NPRL3: variants seen among roughly 807,000 people sequenced by gnomAD.
The protein encoded by NPRL3 is NPR3 like, GATOR1 complex subunit, also known as GATOR1 complex protein NPRL3.
NPRL3 carries 23 observed loss-of-function variants against 57.2 expected under a neutral mutation model. That is an observed-to-expected ratio of 0.40 (90% CI 0.29 to 0.57). The LOEUF (loss-of-function observed/expected upper bound fraction) is 0.57. NPRL3 is among the 20% of genes least tolerant of loss of function. The pLI, the probability that NPRL3 is intolerant of heterozygous loss-of-function variation, is 0.42. For synonymous variants in NPRL3, 333 were observed against 321.1 expected (o/e 1.04, Z -0.39); for missense variants, 691 against 767.1 (o/e 0.90, Z 1.17).
intron 5 of NPRL3, among the ~76,000 whole-genome samples, chr16:114,499 G>A (rs990087741): frequency 2.6e-5 from 4 of 152,202 alleles, no homozygotes; most frequent in Non-Finnish European, 5.9e-5. Flanking sequence ...TAGTTTGAAG[G>A]AAACACAGGG....
intron 5 of NPRL3, 89 bp from the exon 6 acceptor site, chr16:112,864 C>A: frequency 4.3e-5 from 52 of 1,217,808 alleles, no homozygotes; most frequent in African/African-American, 7.6e-5. Context: ...AGGTACACAG[C>A]AAAAACTCAA....
chr16:100,759 GCAGTTC>G, intron 7 of NPRL3, among the ~76,000 whole-genome samples: 2 of 95,664 alleles, frequency 2.1e-5, no homozygotes, highest in African/African-American at 9.1e-5. Flanking sequence ...CACGAGGTCA[GCAGTTC>G]GAGACCAGCC....
chr16:88,955 C>T, intron 12 of NPRL3, 65 bp from the exon 13 acceptor site: 1 of 1,461,770 alleles, frequency 6.8e-7, no homozygotes, highest in Non-Finnish European at 9.4e-7. Context: ...ACAGCGAGGG[C>T]AGAGCCAGCA....
chr16:138,293 C>T lies in NPRL3; in HGVS notation c.-26G>A. 1.9e-6 allele frequency: 3 copies of T among 1,554,014 alleles called. No homozygotes were observed. Among genetic ancestry groups the T allele is most frequent in the Non-Finnish European group, 2.6e-6 (3 of 1,151,112 alleles). ...CCCGCCGTGGGGCCGGGGCCGGGGG[C>T]GGAGGGGGCCAGAGGAGGACGGAGC... On this transcript the variant is annotated 5_prime_UTR_variant, in exon 2 of 14. Transcript: ENST00000611875.
intron 7 of NPRL3, among the ~76,000 whole-genome samples, chr16:103,674 C>G (rs1041406241): frequency 6.6e-6 from 1 of 152,098 alleles, no homozygotes; most frequent in South Asian, 2.1e-4. Flanking sequence ...CTTCACTCAG[C>G]GGCATCTAGA....
chr16:133,950 C>G (rs1900933275), intron 2 of NPRL3, among the ~76,000 whole-genome samples: 1 of 152,154 alleles, frequency 6.6e-6, no homozygotes, highest in Admixed American at 6.5e-5. Context: ...CCAGAATACA[C>G]ACAATTATTG....
intron 2 of NPRL3, among the ~76,000 whole-genome samples, chr16:131,076 T>G (rs972843946): frequency 6.6e-6 from 1 of 152,286 alleles, no homozygotes; most frequent in African/African-American, 2.4e-5. Context: ...GGCCCGTGCC[T>G]GTAATCCCAA....
At chr16:112,559 C>T in intron 6 of NPRL3, 63 bp downstream of exon 6, 1 of 1,392,750 alleles carries the variant, frequency 7.2e-7, no homozygotes, top group Non-Finnish European at 9.4e-7. Context: ...CCACAGAGGT[C>T]TGCGCTGCAG....
Position 92,710 on chromosome 16 carries a change from G to A in NPRL3, c.1047C>T (p.Ala349=), listed in dbSNP as rs373353333. 90 of 1,613,530 alleles carry A rather than the reference G, an allele frequency of 5.6e-5. No homozygotes were observed. Among genetic ancestry groups the A allele is most frequent in the Non-Finnish European group, 7.3e-5 (86 of 1,179,752 alleles). ...ATGGGAACTGGTGGGAGAACTGCTC[G>A]GCCAGCGGGGAGTACCTGCAGGCAG... ...NASVCLYSPL[A]EQFSHQFPSH... is the part of the protein sequence containing the mutation. Residue 349 remains alanine, a synonymous_variant, in exon 11 of 14, where the codon GCC becomes GCT. Transcript: ENST00000611875.
chr16:121,484 C>T (rs1485204512), intron 3 of NPRL3, among the ~76,000 whole-genome samples: 3 of 151,918 alleles, frequency 2.0e-5, no homozygotes, highest in African/African-American at 4.8e-5. Context: ...ATTAGCCGGG[C>T]GCAGTGAAGC....
intron 7 of NPRL3, among the ~76,000 whole-genome samples, chr16:101,491 G>A (rs1050845499): frequency 6.6e-6 from 1 of 152,142 alleles, no homozygotes; most frequent in African/African-American, 2.4e-5. Context: ...TGGTTCTTTC[G>A]GGTCCCAAAG....
rs1208253565 is a variant in NPRL3, at chr16:90,558, G to A, written c.1162-656C>T. The A allele has an allele frequency of 6.6e-5, 10 of 152,588 alleles. No individual in the cohort carries two copies. In the East Asian group the frequency reaches 1.9e-3, roughly 29 times the overall value. The allele number at this position is 152,588 out of a possible 1,614,324, so 9.5% of individuals were successfully genotyped here. A position where few individuals can be genotyped will look rare whatever the true frequency, so the allele number is the denominator to read the frequency against. On this transcript the variant is annotated intron_variant, in intron 11 of 13. Coordinates refer to ENST00000611875, the MANE Select transcript of NPRL3 (RefSeq NM_001077350.3). Reference sequence around the variant, plus strand: ...GTTAGCAGGTGGGGCTGGCAGTGAGGAGCAGTGAGGAGCCTTGTGCCAGGT... The same window carrying A: ...GTTAGCAGGTGGGGCTGGCAGTGAGAAGCAGTGAGGAGCCTTGTGCCAGGT...
rs774394208 is a variant in NPRL3 at position 88,809 on chromosome 16, A to G, written c.1433T>C (p.Leu478Pro). The G allele has an allele frequency of 1.2e-6, 2 of 1,613,716 alleles. No homozygotes were observed. Among genetic ancestry groups the G allele is most frequent in the African/African-American group, 1.3e-5 (1 of 74,918 alleles). ...AELLPSGDSP[L>P]NQRMTENLLA... ...CAGGTTCTCCGTCATCCTCTGGTTCAGTGGCGAGTCCCCGCTGGGAAGTAG... is the reference window on the plus strand; with the variant it reads ...CAGGTTCTCCGTCATCCTCTGGTTCGGTGGCGAGTCCCCGCTGGGAAGTAG... The change falls in exon 13 of 14, where the codon CTG (leucine) becomes CCG (proline). Residue 478 changes from leucine to proline, a missense_variant. Leu to Pro is a moderately conservative substitution (Grantham distance 98). Transcript: ENST00000611875.
At chr16:99,589 G>A (rs1440818891) in intron 8 of NPRL3, among the ~76,000 whole-genome samples, 3 of 150,454 alleles carry the variant, frequency 2.0e-5, no homozygotes, top group Admixed American at 2.0e-4. Context: ...GCTTCACTGA[G>A]TGGAGACTGT....
chr16:116,188 C>T (rs1300750501), intron 5 of NPRL3, among the ~76,000 whole-genome samples: 5 of 151,992 alleles, frequency 3.3e-5, no homozygotes, highest in Admixed American at 6.6e-5. Flanking sequence ...CACTGTTCCC[C>T]GAGGTGAGGG....
intron 11 of NPRL3, 87 bp from the exon 12 acceptor site, chr16:89,989 C>G (rs1370213530): frequency 8.1e-7 from 1 of 1,240,472 alleles, no homozygotes; most frequent in African/African-American, 1.6e-5. Context: ...TAGACATGGC[C>G]ACAGCACGCT....
rs374401238 is a variant in NPRL3, at chr16:86,684, C to G, written c.*21G>C. 236 of 1,539,430 alleles carry G rather than the reference C, an allele frequency of 1.5e-4. No homozygotes were observed. The highest frequency in any genetic ancestry group is 1.9e-4 in the Non-Finnish European group (222 of 1,140,914). ...AGCGCCCACCTGCGCACCCCAGCAG[C>G]CTTCCGCCCTCCGCCTGGGCTCAGG... On this transcript the variant is annotated 3_prime_UTR_variant, in exon 14 of 14. Transcript: ENST00000611875.
chr16:85,533 C>T lies in NPRL3; in HGVS notation c.*1172G>A. The T allele has an allele frequency of 1.2e-6, 2 of 1,613,412 alleles. No homozygotes were observed. Among genetic ancestry groups the T allele is most frequent in the Non-Finnish European group, 1.7e-6 (2 of 1,180,038 alleles). On this transcript the variant is annotated 3_prime_UTR_variant, in exon 14 of 14. Transcript: ENST00000611875. ...AAGGACCGCGAGCTCTGCAGTGGCC[C>T]CTCCAAGCTGTGCCAGGCCCTGGCC...
chr16:100,509 G>C lies in NPRL3; in HGVS notation c.630C>G (p.Ser210Arg). Reference sequence around the variant, plus strand: ...GCCGAACTACGCCCGACGTGCACAGGCTGCAGAGAGTGGGCGCTGTTACCC... The same window carrying C: ...GCCGAACTACGCCCGACGTGCACAGCCTGCAGAGAGTGGGCGCTGTTACCC... ...LARDLKEAYD[S>R]LCTSGVVRLH... The change falls in exon 8 of 14, where the codon AGC (serine) becomes AGG (arginine). Residue 210 changes from serine (S) to arginine (R), a missense_variant and splice_region_variant. Physicochemically the swap from Ser to Arg is moderately radical, Grantham distance 110. Coordinates refer to ENST00000611875, the MANE Select transcript of NPRL3 (RefSeq NM_001077350.3). 6.4e-7 allele frequency: 1 copy of C among 1,565,844 alleles called. No homozygotes were observed. The highest frequency in any genetic ancestry group is 8.6e-7 in the Non-Finnish European group (1 of 1,159,480).
Sources: allele counts gnomAD v4.1 joint callset (sites outside exome capture counted in the v4.1 genomes callset), GRCh38; gene constraint gnomAD v4.1.1; transcripts MANE v1.5; gene names NCBI Gene and HGNC (gene_info 2026-07-23, HGNC 2026-07-21).